Variants in SUCO observed in about 807,000 individuals in gnomAD.
SUCO encodes the protein SUN domain-containing ossification factor.
In SUCO, 57 loss-of-function variants were observed where a neutral mutation model predicts 148.1. The ratio of observed to expected loss-of-function variants is 0.38; its 90% CI spans 0.31 to 0.48. SUCO has a LOEUF of 0.48. SUCO is among the 20% of genes least tolerant of loss of function. The pLI is 0.96. For synonymous variants in SUCO, 470 were observed against 502.7 expected (o/e 0.93, Z 0.87); for missense variants, 1,331 against 1,468.2 (o/e 0.91, Z 1.53).
At position 172,546,295 on chromosome 1, in the gene SUCO, T is replaced by A. The variant is rs1393054349; in HGVS notation, c.63-5217T>A. Among the ~76,000 whole-genome samples the A allele has an allele frequency of 4.6e-5, 7 of 152,202 alleles. No homozygotes were observed. In the East Asian group the frequency reaches 1.2e-3, roughly 25 times the overall value. On this transcript the variant is annotated intron_variant, in intron 1 of 23. Transcript: ENST00000263688. ...TAGATCTCTCTCCAAATTGTTGGAT[T>A]TTTCCATATTGCTACGTTTCATGTT...
At chr1:172,556,881 G>T in intron 4 of SUCO, 1 of 886,360 alleles carries the variant, frequency 1.1e-6, no homozygotes, top group Non-Finnish European at 1.4e-6. Context: ...GGGAAAAATA[G>T]GAAGGTTTAT....
At chr1:172,555,424 A>G in intron 3 of SUCO, 1 of 984,824 alleles carries the variant, frequency 1.0e-6, no homozygotes, top group Non-Finnish European at 1.2e-6. Flanking sequence ...AGTAAGAATC[A>G]TTTATTGCTT....
chr1:172,588,130 T>C, intron 17 of SUCO: 1 of 985,334 alleles, frequency 1.0e-6, no homozygotes, highest in African/African-American at 1.7e-5. Context: ...AAGGGAGATA[T>C]GTTTCTTGTC....
rs1209762770 is a variant in SUCO at position 172,585,163 on chromosome 1, G to A, written c.1567+77G>A. 13 of 1,159,790 alleles carry A rather than the reference G, an allele frequency of 1.1e-5. No homozygotes were observed. The East Asian group carries it at 2.8e-4, about 25-fold the overall frequency. The allele number at this position is 1,159,790 out of a possible 1,614,324, so 71.8% of individuals were successfully genotyped here. A position where few individuals can be genotyped will look rare whatever the true frequency, so the allele number is the denominator to read the frequency against. ...TATATTTAGGAAAATCAAGTAATGA[G>A]TTAAGAAAATTTGATTGTTTACATT... On this transcript the variant is annotated intron_variant, in intron 16 of 23. Coordinates refer to ENST00000263688, the MANE Select transcript of SUCO (RefSeq NM_014283.5).
rs1449836347 is a variant in SUCO at position 172,605,876 on chromosome 1, G to T, written c.3266-2871G>T. ...ATAAAAGTGATTGACAGGCATCTTT[G>T]TCTTGTTCCAAAGGGAAAGCTTACA... On this transcript the variant is annotated intron_variant, in intron 22 of 23. Coordinates refer to ENST00000263688, the MANE Select transcript of SUCO (RefSeq NM_014283.5). Among the ~76,000 whole-genome samples, 8 of 151,804 alleles carry T rather than the reference G, an allele frequency of 5.3e-5. No individual in the cohort carries two copies. In the East Asian group the frequency reaches 9.7e-4, roughly 18 times the overall value.
intron 6 of SUCO, among the ~76,000 whole-genome samples, chr1:172,564,028 G>A (rs879287145): frequency 6.6e-5 from 10 of 152,388 alleles, no homozygotes; most frequent in African/African-American, 9.6e-5. Flanking sequence ...TGCAGCTTCC[G>A]TGTGATATTG....
chr1:172,554,534 C>T (rs1653576144), intron 3 of SUCO, among the ~76,000 whole-genome samples: 1 of 152,042 alleles, frequency 6.6e-6, no homozygotes, highest in Non-Finnish European at 1.5e-5. Context: ...GTCAGGAGTT[C>T]GAGACCAGCC....
chr1:172,577,507 A>G (rs781706575), intron 11 of SUCO, 32 bp from the exon 12 acceptor site: 3 of 1,604,260 alleles, frequency 1.9e-6, no homozygotes, highest in Non-Finnish European at 2.6e-6. Context: ...TTTGGAACTG[A>G]TTTCTTTTTC....
chr1:172,543,912 C>T (rs1652682030), intron 1 of SUCO, among the ~76,000 whole-genome samples: 1 of 152,102 alleles, frequency 6.6e-6, no homozygotes, highest in Admixed American at 6.6e-5. Context: ...AGAAGAATAT[C>T]TGTCTTTTAA....
intron 1 of SUCO, among the ~76,000 whole-genome samples, chr1:172,538,436 C>G (rs1012533898): frequency 6.6e-6 from 1 of 151,986 alleles, no homozygotes; most frequent in African/African-American, 2.4e-5. Context: ...AAAACTAGAA[C>G]AATATATAAG....
intron 19 of SUCO, among the ~76,000 whole-genome samples, chr1:172,598,317 G>A (rs892247968): frequency 1.3e-5 from 2 of 152,084 alleles, no homozygotes; most frequent in African/African-American, 4.8e-5. Context: ...CTATCTTTAA[G>A]GTAATAACAC....
intron 1 of SUCO, among the ~76,000 whole-genome samples, chr1:172,536,076 A>G (rs2149214594): frequency 6.6e-6 from 1 of 152,338 alleles, no homozygotes; most frequent in African/African-American, 2.4e-5. Context: ...TGTCAGACAC[A>G]TGATGTTTAC....
At chr1:172,571,703 GC>G (rs1229826924) in intron 9 of SUCO, among the ~76,000 whole-genome samples, 1 of 89,630 alleles carries the variant, frequency 1.1e-5, no homozygotes, top group African/African-American at 5.1e-5. Flanking sequence ...GAGCGCCTCT[GC>G]CCCGCCGCCC....
In SUCO at chr1:172,548,387, T is replaced by C. The variant is rs73034003; in HGVS notation, c.63-3125T>C. The stretch of plus-strand genomic sequence containing the variant: ...AAGAACCAACTTTTGATTTTCTTAA[T>C]TTTCTTTGCTGTTTTTTGTTCTCTA... On this transcript the variant is annotated intron_variant, in intron 1 of 23. Transcript: ENST00000263688. Among the ~76,000 whole-genome samples, 424 of 152,106 alleles carry C rather than the reference T, an allele frequency of 2.8e-3. 5 individuals carry two copies. Among genetic ancestry groups the C allele is most frequent in the African/African-American group, 9.8e-3 (407 of 41,568 alleles).
intron 9 of SUCO, among the ~76,000 whole-genome samples, chr1:172,573,582 A>G (rs1324304868): frequency 3.9e-5 from 6 of 152,136 alleles, no homozygotes; most frequent in Non-Finnish European, 5.9e-5. Flanking sequence ...TTACACTATC[A>G]CTGTCTGTTC....
chr1:172,608,527 A>T, intron 22 of SUCO: 1 of 542,118 alleles, frequency 1.8e-6, no homozygotes. Flanking sequence ...TTTGAAGACG[A>T]CCAGTCAAGC....
At chr1:172,585,225 C>T in intron 16 of SUCO, 139 bp downstream of exon 16, 1 of 797,590 alleles carries the variant, frequency 1.3e-6, no homozygotes, top group Non-Finnish European at 1.8e-6. Flanking sequence ...ACTTACCAAT[C>T]TTTATTATTC....
intron 15 of SUCO, 55 bp downstream of exon 15, chr1:172,579,322 A>T (rs1461249822): frequency 8.0e-6 from 9 of 1,122,962 alleles, no homozygotes; most frequent in Non-Finnish European, 1.2e-5. Context: ...TCTGACACAC[A>T]CAGACATTTT....
intron 9 of SUCO, among the ~76,000 whole-genome samples, chr1:172,571,400 G>A (rs368728478): frequency 1.3e-5 from 2 of 152,092 alleles, no homozygotes; most frequent in Non-Finnish European, 2.9e-5. Flanking sequence ...GCCTGATCTC[G>A]GCTCGCTACA....
Sources: allele counts gnomAD v4.1 joint callset (sites outside exome capture counted in the v4.1 genomes callset), GRCh38; gene constraint gnomAD v4.1.1; transcripts MANE v1.5; gene names NCBI Gene and HGNC (gene_info 2026-07-23, HGNC 2026-07-21).